Variants in PARD3B observed in about 807,000 individuals in gnomAD.
The protein encoded by PARD3B is partitioning defective 3 homolog B.
A neutral mutation model predicts 130.2 loss-of-function variants in PARD3B; 103 were observed. The observed-to-expected ratio is 0.79, with a 90% CI of 0.67 to 0.93. The LOEUF (loss-of-function observed/expected upper bound fraction) is 0.93, where lower values mean the gene tolerates loss of function less well. PARD3B is among the 40% of genes least tolerant of loss of function. The pLI, the probability that PARD3B is intolerant of heterozygous loss-of-function variation, is 0.00. For synonymous variants in PARD3B, 583 were observed against 553.2 expected (o/e 1.05, Z -0.76); for missense variants, 1,609 against 1,499.2 (o/e 1.07, Z -1.21).
At chr2:204,702,190 G>C (rs2125278651) in intron 2 of PARD3B, among the ~76,000 whole-genome samples, 1 of 152,296 alleles carries the variant, frequency 6.6e-6, no homozygotes, top group East Asian at 1.9e-4. Context: ...ACTGTGAATA[G>C]TGCTGCTGTG....
At chr2:204,989,964 G>T (rs1379709983) in intron 3 of PARD3B, among the ~76,000 whole-genome samples, 1 of 151,954 alleles carries the variant, frequency 6.6e-6, no homozygotes, top group African/African-American at 2.4e-5. Flanking sequence ...TTTGTTTATA[G>T]AATATATTAC....
chr2:204,672,733 G>A (rs1446401247), intron 1 of PARD3B, among the ~76,000 whole-genome samples: 1 of 152,098 alleles, frequency 6.6e-6, no homozygotes, highest in Non-Finnish European at 1.5e-5. Flanking sequence ...CTCTTTCTGG[G>A]CCTTTTGCTC....
chr2:205,082,164 T>C (rs1286510359), intron 4 of PARD3B, among the ~76,000 whole-genome samples: 2 of 152,172 alleles, frequency 1.3e-5, no homozygotes, highest in Non-Finnish European at 2.9e-5. Flanking sequence ...ATAATAGAAT[T>C]CCTTTGTTTT....
intron 18 of PARD3B, among the ~76,000 whole-genome samples, chr2:205,370,753 T>C (rs1358827688): frequency 6.6e-6 from 1 of 152,220 alleles, no homozygotes; most frequent in Non-Finnish European, 1.5e-5. Context: ...GTAGCACTTT[T>C]AACTTGGAGA....
intron 3 of PARD3B, among the ~76,000 whole-genome samples, chr2:205,038,189 C>T (rs1559377848): frequency 6.6e-6 from 1 of 152,106 alleles, no homozygotes; most frequent in Non-Finnish European, 1.5e-5. Context: ...CCCTTGAGGT[C>T]CTTGAATGCC....
chr2:205,018,036 C>G (rs901992204), intron 3 of PARD3B, among the ~76,000 whole-genome samples: 1 of 152,132 alleles, frequency 6.6e-6, no homozygotes, highest in South Asian at 2.1e-4. Flanking sequence ...TATGCTGTTG[C>G]CAGGCACTGT....
At position 205,250,231 on chromosome 2, in the gene PARD3B, C is replaced by CT. The variant is rs113364039; in HGVS notation, c.2185+4419dup. ...TAAATTTTACTTTTTTTAGTGTCTT[C>CT]TTTTTTTTTTGTTTTGATTTACTGC... On this transcript the variant is annotated intron_variant, in intron 16 of 22. Coordinates refer to ENST00000406610, the MANE Select transcript of PARD3B (RefSeq NM_001302769.2). Among the ~76,000 whole-genome samples, 213 of 144,056 alleles carry CT rather than the reference C, an allele frequency of 1.5e-3. 2 individuals carry two copies. Among genetic ancestry groups the CT allele is most frequent in the Non-Finnish European group, 2.2e-3 (145 of 64,962 alleles). The allele number at this position is 144,056 out of a possible 152,430, so 94.5% of individuals were successfully genotyped here.
chr2:205,484,907 T>C (rs954363596), intron 20 of PARD3B, among the ~76,000 whole-genome samples: 2 of 152,182 alleles, frequency 1.3e-5, no homozygotes, highest in African/African-American at 4.8e-5. Context: ...CATTTTTTTA[T>C]TCGTTTTCAC....
At chr2:205,581,267 G>GATATATATAGAT (rs1559238123) in intron 22 of PARD3B, among the ~76,000 whole-genome samples, 15 of 109,742 alleles carry the variant, frequency 1.4e-4, no homozygotes, top group African/African-American at 5.4e-4. Flanking sequence ...TATAGATATA[G>GATATATATAGAT]ATAGATAGAT....
At chr2:204,811,267 A>C (rs1047329455) in intron 2 of PARD3B, among the ~76,000 whole-genome samples, 2 of 151,966 alleles carry the variant, frequency 1.3e-5, no homozygotes. Context: ...GTGTCTCTCA[A>C]TGTTTCTTGG....
At chr2:204,728,499 G>A (rs2039340646) in intron 2 of PARD3B, among the ~76,000 whole-genome samples, 1 of 152,152 alleles carries the variant, frequency 6.6e-6, no homozygotes, top group Non-Finnish European at 1.5e-5. Context: ...TAGACAGTAT[G>A]AAATGTAAAG....
At chr2:204,743,593 G>T (rs969124772) in intron 2 of PARD3B, among the ~76,000 whole-genome samples, 26 of 152,228 alleles carry the variant, frequency 1.7e-4, no homozygotes, top group African/African-American at 6.0e-4. Flanking sequence ...TTCAGCAGGG[G>T]TTTATATCAG....
intron 2 of PARD3B, among the ~76,000 whole-genome samples, chr2:204,834,440 A>G (rs928509385): frequency 6.6e-6 from 1 of 152,264 alleles, no homozygotes; most frequent in Non-Finnish European, 1.5e-5. Flanking sequence ...AATGTCTGCC[A>G]AAACAAGTTA....
chr2:205,055,946 T>C (rs1348500305), intron 4 of PARD3B, among the ~76,000 whole-genome samples: 1 of 152,180 alleles, frequency 6.6e-6, no homozygotes, highest in African/African-American at 2.4e-5. Context: ...GGAAAGCTAC[T>C]ACCTAAATTT....
chr2:205,345,188 G>T (rs2043703410), intron 18 of PARD3B, among the ~76,000 whole-genome samples: 1 of 152,112 alleles, frequency 6.6e-6, no homozygotes, highest in Non-Finnish European at 1.5e-5. Flanking sequence ...GCCTTCAGAA[G>T]TGAAGACCCA....
chr2:205,106,987 G>A (rs1460014429), intron 5 of PARD3B, among the ~76,000 whole-genome samples: 2 of 152,174 alleles, frequency 1.3e-5, no homozygotes, highest in African/African-American at 4.8e-5. Context: ...GAATTACATG[G>A]TCCATATGCT....
chr2:205,511,893 C>T lies in PARD3B; in HGVS notation c.3180+11862C>T, dbSNP rs538195262. Among the ~76,000 whole-genome samples, 200 of 152,236 alleles carry T rather than the reference C, an allele frequency of 1.3e-3. 3 individuals are homozygous for T. The highest frequency in any genetic ancestry group is 4.0e-3 in the African/African-American group (166 of 41,540). On this transcript the variant is annotated intron_variant, in intron 21 of 22. Coordinates refer to ENST00000406610, the MANE Select transcript of PARD3B (RefSeq NM_001302769.2). ...TAACCAACCAATCAGGTCACTACAGCGGCCATCTTGTTCTTTCAGTTTAAG... is the reference window on the plus strand; with the variant it reads ...TAACCAACCAATCAGGTCACTACAGTGGCCATCTTGTTCTTTCAGTTTAAG...
At chr2:205,426,758 A>G (rs1284223283) in intron 19 of PARD3B, among the ~76,000 whole-genome samples, 1 of 152,210 alleles carries the variant, frequency 6.6e-6, no homozygotes, top group Non-Finnish European at 1.5e-5. Flanking sequence ...GAAAAGTAGC[A>G]AAATGTTCTA....
At chr2:205,364,017 G>C (rs1469018198) in intron 18 of PARD3B, among the ~76,000 whole-genome samples, 1 of 151,792 alleles carries the variant, frequency 6.6e-6, no homozygotes, top group Non-Finnish European at 1.5e-5. Flanking sequence ...CACAGCGAAG[G>C]CACCCTGAGA....
Sources: gnomAD v4.1 joint callset for allele counts (sites outside exome capture counted in the v4.1 genomes callset) on GRCh38, gnomAD v4.1.1 for gene constraint, MANE v1.5 for transcripts, NCBI Gene and HGNC (gene_info 2026-07-23, HGNC 2026-07-21) for gene names.